Variants in SOX5 observed in about 807,000 individuals in gnomAD.
The protein encoded by SOX5 is SRY-box transcription factor 5, also known as transcription factor SOX-5.
In SOX5, 9 loss-of-function variants were observed where a neutral mutation model predicts 92.0. The observed-to-expected ratio is 0.10, with a 90% confidence interval of 0.06 to 0.17. The LOEUF (loss-of-function observed/expected upper bound fraction) is 0.17. Ranked by LOEUF, SOX5 falls within the 10% of genes least tolerant of loss-of-function variation. The pLI, the probability that SOX5 is intolerant of heterozygous loss-of-function variation, is 1.00. For synonymous variants in SOX5, 344 were observed against 336.3 expected (o/e 1.02, Z -0.25); for missense variants, 642 against 944.5 (o/e 0.68, Z 4.20).
chr12:23,748,131 C>T (rs1411535202), intron 4 of SOX5, among the ~76,000 whole-genome samples: 1 of 151,874 alleles, frequency 6.6e-6, no homozygotes, highest in African/African-American at 2.4e-5. Flanking sequence ...ATGTTATATT[C>T]TTATTGATAT....
chr12:23,834,337 C>A (rs892595722), intron 3 of SOX5, among the ~76,000 whole-genome samples: 1 of 151,906 alleles, frequency 6.6e-6, no homozygotes, highest in Admixed American at 6.6e-5. Context: ...AGGGTAGAGT[C>A]AGATTACATA....
intron 1 of SOX5, among the ~76,000 whole-genome samples, chr12:24,477,130 CTTT>C (rs11324014): frequency 1.4e-5 from 2 of 142,158 alleles, no homozygotes; most frequent in South Asian, 2.3e-4. Context: ...TGAGATTTAA[CTTT>C]TTTTTTTTTT....
At chr12:23,584,484 A>C in intron 9 of SOX5, 1 of 1,159,086 alleles carries the variant, frequency 8.6e-7, no homozygotes. Context: ...ATCATTATGC[A>C]TAAGTCATTT....
intron 8 of SOX5, among the ~76,000 whole-genome samples, chr12:23,617,770 A>G (rs1306175127): frequency 1.3e-5 from 2 of 151,176 alleles, no homozygotes; most frequent in African/African-American, 4.9e-5. Context: ...ACACCAATAA[A>G]TCTTAAACAG....
At chr12:23,548,038 T>C (rs1358146902) in intron 11 of SOX5, among the ~76,000 whole-genome samples, 4 of 152,024 alleles carry the variant, frequency 2.6e-5, no homozygotes, top group African/African-American at 9.7e-5. Context: ...ATACACACAT[T>C]CCATCAACAT....
intron 1 of SOX5, among the ~76,000 whole-genome samples, chr12:24,546,966 A>G (rs1952681804): frequency 6.6e-6 from 1 of 152,228 alleles, no homozygotes; most frequent in Non-Finnish European, 1.5e-5. Context: ...AGTTGTATTT[A>G]AAAAGTCAAA....
intron 4 of SOX5, among the ~76,000 whole-genome samples, chr12:23,956,353 C>A (rs1946281053): frequency 6.6e-6 from 1 of 152,114 alleles, no homozygotes; most frequent in Admixed American, 6.5e-5. Flanking sequence ...CTGTTATGAA[C>A]CACAGCAGGA....
chr12:24,104,386 A>G (rs538163291), intron 4 of SOX5, among the ~76,000 whole-genome samples: 4 of 152,212 alleles, frequency 2.6e-5, no homozygotes, highest in Non-Finnish European at 5.9e-5. Flanking sequence ...GGATACTGTT[A>G]TAATCTAGAG....
chr12:24,342,173 C>T (rs528798065), intron 2 of SOX5, among the ~76,000 whole-genome samples: 1 of 152,290 alleles, frequency 6.6e-6, no homozygotes, highest in South Asian at 2.1e-4. Flanking sequence ...TTATGGTTAA[C>T]GTCTCAGATC....
At chr12:24,425,049 A>G (rs1477296183) in intron 1 of SOX5, among the ~76,000 whole-genome samples, 2 of 152,148 alleles carry the variant, frequency 1.3e-5, no homozygotes, top group Non-Finnish European at 2.9e-5. Flanking sequence ...TGCCTACATT[A>G]AGAGACTACA....
intron 6 of SOX5, among the ~76,000 whole-genome samples, chr12:23,732,343 G>A (rs1368531625): frequency 3.3e-5 from 5 of 152,036 alleles, no homozygotes; most frequent in South Asian, 2.1e-4. Context: ...GAACAATCTC[G>A]CAGTAGACTA....
intron 2 of SOX5, among the ~76,000 whole-genome samples, chr12:24,304,441 A>G (rs1259166485): frequency 1.3e-5 from 2 of 152,196 alleles, no homozygotes; most frequent in African/African-American, 4.8e-5. Flanking sequence ...CTTCAGTGCT[A>G]TAATTCAGAA....
chr12:24,436,111 A>C (rs1468541093), intron 1 of SOX5, among the ~76,000 whole-genome samples: 1 of 152,102 alleles, frequency 6.6e-6, no homozygotes, highest in Non-Finnish European at 1.5e-5. Flanking sequence ...AAAATGCAAC[A>C]ATATTGAAGT....
chr12:23,646,458 C>T (rs545677043), intron 7 of SOX5, among the ~76,000 whole-genome samples: 4 of 152,280 alleles, frequency 2.6e-5, no homozygotes, highest in South Asian at 2.1e-4. Flanking sequence ...TGAGCCACCG[C>T]GCCTGGTGGG....
chr12:24,527,930 A>G (rs1231901326), intron 1 of SOX5, among the ~76,000 whole-genome samples: 1 of 152,260 alleles, frequency 6.6e-6, no homozygotes, highest in African/African-American at 2.4e-5. Context: ...TGAAGTTTAC[A>G]TGATGTTTTA....
chr12:24,532,026 G>T (rs1340193777), intron 1 of SOX5, among the ~76,000 whole-genome samples: 1 of 152,178 alleles, frequency 6.6e-6, no homozygotes, highest in East Asian at 1.9e-4. Flanking sequence ...GGTCAACTTT[G>T]TACGTAAGCC....
intron 2 of SOX5, among the ~76,000 whole-genome samples, chr12:24,315,557 A>G (rs1014473321): frequency 6.6e-6 from 1 of 152,152 alleles, no homozygotes; most frequent in Non-Finnish European, 1.5e-5. Flanking sequence ...TCTTCTTCAA[A>G]GTTTCAAATT....
At chr12:24,172,605 C>A (rs758372016) in intron 4 of SOX5, among the ~76,000 whole-genome samples, 1 of 152,002 alleles carries the variant, frequency 6.6e-6, no homozygotes, top group Non-Finnish European at 1.5e-5. Context: ...ATCGGAGGAA[C>A]TGAAAGAGGG....
chr12:24,011,278 C>A (rs1952903245), intron 4 of SOX5, among the ~76,000 whole-genome samples: 1 of 152,160 alleles, frequency 6.6e-6, no homozygotes, highest in Admixed American at 6.5e-5. Context: ...CATGCATACA[C>A]ACTCATACAC....
Sources: gnomAD v4.1 joint callset for allele counts (sites outside exome capture counted in the v4.1 genomes callset) on GRCh38, gnomAD v4.1.1 for gene constraint, MANE v1.5 for transcripts, NCBI Gene and HGNC (gene_info 2026-07-23, HGNC 2026-07-21) for gene names.